Variants in SNAP25 observed in about 807,000 individuals in gnomAD.
SNAP25 encodes synaptosome associated protein 25.
SNAP25 carries 3 observed loss-of-function variants against 28.7 expected under a neutral mutation model. The ratio of observed to expected loss-of-function variants is 0.10; its 90% CI spans 0.05 to 0.27. SNAP25 has a LOEUF of 0.27. SNAP25 is among the 10% of genes least tolerant of loss of function. SNAP25 has a pLI of 1.00. For synonymous variants in SNAP25, 61 were observed against 88.1 expected, an observed-to-expected ratio of 0.69 and a Z score of 1.72; for missense variants, 117 against 278.7, an observed-to-expected ratio of 0.42 and a Z score of 4.13.
At chr20:10,252,431 A>T (rs2063246790) in intron 1 of SNAP25, among the ~76,000 whole-genome samples, 1 of 152,240 alleles carries the variant, frequency 6.6e-6, no homozygotes, top group South Asian at 2.1e-4. Flanking sequence ...TCTTTACTAG[A>T]TGAAAGTCAT....
intron 1 of SNAP25, among the ~76,000 whole-genome samples, chr20:10,239,411 T>G (rs1019513946): frequency 9.2e-5 from 14 of 152,252 alleles, no homozygotes; most frequent in African/African-American, 3.4e-4. Context: ...TTGGACAGAG[T>G]GGGCATTCAT....
intron 3 of SNAP25, among the ~76,000 whole-genome samples, chr20:10,281,057 G>A (rs991405171): frequency 6.6e-5 from 10 of 152,066 alleles, no homozygotes; most frequent in Admixed American, 5.9e-4. Flanking sequence ...TATAAAGATT[G>A]TCTTAGTTCA....
At chr20:10,285,341 A>G (rs2123067910) in intron 4 of SNAP25, among the ~76,000 whole-genome samples, 1 of 152,356 alleles carries the variant, frequency 6.6e-6, no homozygotes, top group Middle Eastern at 3.4e-3. Context: ...CAGAAATGCT[A>G]GAAGCAAGGA....
At chr20:10,269,013 A>T (rs1024358447) in intron 1 of SNAP25, among the ~76,000 whole-genome samples, 3 of 152,200 alleles carry the variant, frequency 2.0e-5, no homozygotes, top group African/African-American at 7.2e-5. Flanking sequence ...GCAATCAATC[A>T]TATAGATTAA....
intron 1 of SNAP25, among the ~76,000 whole-genome samples, chr20:10,255,494 CAG>C (rs2063304618): frequency 6.6e-6 from 1 of 152,162 alleles, no homozygotes. Flanking sequence ...TCTGCCAACT[CAG>C]GGTTCTGGGG....
chr20:10,263,643 A>C (rs1048539492), intron 1 of SNAP25, among the ~76,000 whole-genome samples: 3 of 152,170 alleles, frequency 2.0e-5, no homozygotes, highest in Non-Finnish European at 2.9e-5. Flanking sequence ...TTAGCCCCAC[A>C]GAAGATTACT....
intron 3 of SNAP25, among the ~76,000 whole-genome samples, chr20:10,278,574 T>G (rs890971936): frequency 6.6e-6 from 1 of 152,200 alleles, no homozygotes; most frequent in Non-Finnish European, 1.5e-5. Flanking sequence ...TTCAGCGAGA[T>G]GCTGTTTTAG....
intron 3 of SNAP25, among the ~76,000 whole-genome samples, chr20:10,280,019 T>C (rs1342838789): frequency 6.6e-6 from 1 of 152,204 alleles, no homozygotes; most frequent in Non-Finnish European, 1.5e-5. Flanking sequence ...CAGAAATCAT[T>C]TGGAAAACCT....
At chr20:10,220,913 T>C (rs547137605) in intron 1 of SNAP25, among the ~76,000 whole-genome samples, 1 of 152,360 alleles carries the variant, frequency 6.6e-6, no homozygotes, top group South Asian at 2.1e-4. Context: ...CCTAGTGTTT[T>C]TTCTTTTTAT....
chr20:10,302,569 C>G (rs941086771), intron 7 of SNAP25, among the ~76,000 whole-genome samples: 1 of 152,134 alleles, frequency 6.6e-6, no homozygotes, highest in African/African-American at 2.4e-5. Flanking sequence ...TCCTTCTAAA[C>G]TTTTACTGGC....
chr20:10,279,202 A>C (rs1235119608), intron 3 of SNAP25, among the ~76,000 whole-genome samples: 1 of 152,204 alleles, frequency 6.6e-6, no homozygotes, highest in Non-Finnish European at 1.5e-5. Flanking sequence ...GCATGGACTT[A>C]TTCTCTCTCA....
intron 1 of SNAP25, among the ~76,000 whole-genome samples, chr20:10,241,184 T>C (rs1206551837): frequency 7.6e-6 from 1 of 132,410 alleles, no homozygotes; most frequent in Non-Finnish European, 1.6e-5. Flanking sequence ...GGAATCAGTA[T>C]GGGAGGGCAG....
At chr20:10,282,174 AG>A (rs2063790128) in intron 3 of SNAP25, among the ~76,000 whole-genome samples, 1 of 107,486 alleles carries the variant, frequency 9.3e-6, no homozygotes, top group Admixed American at 8.8e-5. Context: ...GAAGGAAGGA[AG>A]GAAGGAAGGA....
intron 2 of SNAP25, among the ~76,000 whole-genome samples, chr20:10,277,113 G>A (rs4510293): frequency 0.15 from 22,850 of 152,184 alleles, 1,955 homozygotes; most frequent in Admixed American, 0.2. Context: ...TTTCCGTCTC[G>A]TTTTTTCTTA....
At chr20:10,303,896 G>A (rs1421500063) in intron 7 of SNAP25, among the ~76,000 whole-genome samples, 1 of 152,156 alleles carries the variant, frequency 6.6e-6, no homozygotes, top group East Asian at 1.9e-4. Flanking sequence ...CAAAATCATA[G>A]TAAATGTGCA....
chr20:10,221,467 A>G (rs1309922344), intron 1 of SNAP25, among the ~76,000 whole-genome samples: 2 of 152,226 alleles, frequency 1.3e-5, no homozygotes, highest in Admixed American at 1.3e-4. Context: ...GAATTTTTAA[A>G]ATCCAGGGCA....
Position 10,293,150 on chromosome 20 carries a change from T to C in SNAP25, c.164-11T>C. 6.2e-7 allele frequency: 1 copy of C among 1,608,652 alleles called. No homozygotes were observed. Among genetic ancestry groups the C allele is most frequent in the Non-Finnish European group, 8.5e-7 (1 of 1,175,254 alleles). On this transcript the variant is annotated splice_polypyrimidine_tract_variant and intron_variant, in intron 4 of 7. Coordinates refer to ENST00000254976, the MANE Select transcript of SNAP25 (RefSeq NM_130811.4). The surrounding 1 kb of genome is among the most constrained non-coding windows in gnomAD (Gnocchi z 5.6). ...TCATTCTGTGGGGATAAAATACTTG[T>C]GTTTAATCAGAACAACTGGAACGCA...
chr20:10,224,292 T>TG (rs2062694827), intron 1 of SNAP25, among the ~76,000 whole-genome samples: 5 of 131,622 alleles, frequency 3.8e-5, no homozygotes, highest in African/African-American at 1.2e-4. Flanking sequence ...TTTTTTTTTT[T>TG]GCAGTCTTTT....
intron 1 of SNAP25, among the ~76,000 whole-genome samples, chr20:10,274,421 A>T (rs1167857975): frequency 1.3e-5 from 2 of 152,226 alleles, no homozygotes; most frequent in African/African-American, 4.8e-5. Flanking sequence ...AACTATTAAT[A>T]CATGCTGCAA....
Sources: gnomAD v4.1 joint callset for allele counts (sites outside exome capture counted in the v4.1 genomes callset) on GRCh38, gnomAD v4.1.1 for gene constraint, Gnocchi (gnomAD v3.1) non-coding constraint, MANE v1.5 for transcripts, NCBI Gene and HGNC (gene_info 2026-07-23, HGNC 2026-07-21) for gene names.